Variants in GIT1 observed in about 807,000 individuals in gnomAD.
The protein encoded by GIT1 is GIT ArfGAP 1.
GIT1 carries 14 observed loss-of-function variants against 91.7 expected under a neutral mutation model. The ratio of observed to expected loss-of-function variants is 0.15; its 90% CI spans 0.10 to 0.24. The LOEUF (loss-of-function observed/expected upper bound fraction) is 0.24. Among genes scored for constraint, GIT1 ranks in the 10% least tolerant of loss-of-function variants. GIT1 has a pLI of 1.00. For synonymous variants in GIT1, 414 were observed against 418.2 expected (o/e 0.99, Z 0.12); for missense variants, 717 against 1,024.9 (o/e 0.70, Z 4.10).
Position 29,581,686 on chromosome 17 carries a change from C to T in GIT1, c.718+56G>A, listed in dbSNP as rs1195919615. The T allele has an allele frequency of 4.2e-6, 6 of 1,431,642 alleles. No individual in the cohort carries two copies. The African/African-American group carries it at 4.2e-5, about 10-fold the overall frequency. The allele number at this position is 1,431,642 out of a possible 1,614,324, so 88.7% of individuals were successfully genotyped here. On this transcript the variant is annotated intron_variant, in intron 6 of 19. Coordinates refer to ENST00000225394, the MANE Select transcript of GIT1 (RefSeq NM_014030.4). The surrounding 1 kb of genome is among the most constrained non-coding windows in gnomAD (Gnocchi z 4.8). Reference sequence around the variant, plus strand: ...TGCTGCCGGGTGCGTCCAGGTCCCACCTGCCCAGCCCCAGCCAGGCCTGTC... The same window carrying T: ...TGCTGCCGGGTGCGTCCAGGTCCCATCTGCCCAGCCCCAGCCAGGCCTGTC...
At chr17:29,577,331 G>A in intron 10 of GIT1, 84 bp from the exon 11 acceptor site, 2 of 1,039,314 alleles carry the variant, frequency 1.9e-6, no homozygotes, top group South Asian at 1.4e-5. Flanking sequence ...GCAAGGCATG[G>A]CTCTGCCATT....
rs141157150 is a variant in GIT1, at chr17:29,583,492, C to T, written c.177G>A (p.Thr59=). The T allele has an allele frequency of 6.0e-5, 97 of 1,612,062 alleles. No homozygotes were observed. The highest frequency in any genetic ancestry group is 1.4e-4 in the South Asian group (13 of 91,058). ...CGACTGAGCCCTGTACCTGCAGCAG[C>T]GTGGGAGGCCAGGCGCTGTGGCGAA... The part of the protein sequence containing the change: ...KHLRHSAWPP[T]LLQMVHTLAS... Residue 59 remains threonine (T), a synonymous_variant, in exon 2 of 20, where the codon ACG becomes ACA. Coordinates refer to ENST00000225394, the MANE Select transcript of GIT1 (RefSeq NM_014030.4).
Position 29,589,480 on chromosome 17 carries a change from C to T in GIT1, c.-102G>A, listed in dbSNP as rs2033733118. The T allele has an allele frequency of 5.5e-6, 2 of 360,670 alleles. No homozygotes were observed. The highest frequency in any genetic ancestry group is 7.6e-6 in the Non-Finnish European group (2 of 261,572). 22.3% of individuals were successfully genotyped at this position (360,670 alleles called of 1,614,324 possible). A position where few individuals can be genotyped will look rare whatever the true frequency, so the allele number is the denominator to read the frequency against. ...CCCCTGCTGCCCGGCCCGGCTCCGG[C>T]GAGGCCCCGGCGAGGCTCCGCGCGC... On this transcript the variant is annotated 5_prime_UTR_variant, in exon 1 of 20. Transcript: ENST00000225394. This position sits in a 1 kb window ranked among gnomAD's most constrained non-coding sequence, Gnocchi z 5.2.
In GIT1 at chr17:29,581,335, C is replaced by T. The variant is rs1326674235; in HGVS notation, c.761+3G>A. 6.2e-7 allele frequency: 1 copy of T among 1,610,506 alleles called. No individual in the cohort carries two copies. Among genetic ancestry groups the T allele is most frequent in the Admixed American group, 1.7e-5 (1 of 60,018 alleles). ...TGGAAAGGGGCATCAGGTGGGCACTCACCTGTCAGCCATCTGTGGGATGAT... is the reference window on the plus strand; with the variant it reads ...TGGAAAGGGGCATCAGGTGGGCACTTACCTGTCAGCCATCTGTGGGATGAT... On this transcript the variant is annotated splice_donor_region_variant and intron_variant, in intron 7 of 19. Transcript: ENST00000225394. The surrounding 1 kb of genome is among the most constrained non-coding windows in gnomAD (Gnocchi z 4.8).
In GIT1 at chr17:29,581,305, G is replaced by A. The variant is rs143703920; in HGVS notation, c.761+33C>T. On this transcript the variant is annotated intron_variant, in intron 7 of 19. Transcript: ENST00000225394. This position sits in a 1 kb window ranked among gnomAD's most constrained non-coding sequence, Gnocchi z 4.8. ...TCAGCCACCCACATGGCATCCAACA[G>A]CCTCTGGAAAGGGGCATCAGGTGGG... 3,628 of 1,572,468 alleles carry A rather than the reference G, an allele frequency of 2.3e-3. 5 individuals are homozygous for A. The highest frequency in any genetic ancestry group is 4.0e-3 in the Admixed American group (237 of 59,964).
At chr17:29,579,380 C>T (rs1445032702) in intron 7 of GIT1, 1 of 275,626 alleles carries the variant, frequency 3.6e-6, no homozygotes, top group African/African-American at 2.2e-5. Context: ...ATACACCTGG[C>T]TGCACTACCC....
intron 1 of GIT1, 97 bp from the exon 2 acceptor site, chr17:29,583,713 C>T (rs1168534470): frequency 3.0e-6 from 4 of 1,311,952 alleles, no homozygotes; most frequent in Non-Finnish European, 3.1e-6. Flanking sequence ...ACTCTCCACA[C>T]ATTCACTCAC....
chr17:29,574,512 GCCC>G lies in GIT1; in HGVS notation c.*187_*189del, dbSNP rs772363287. 7 of 644,870 alleles carry G rather than the reference GCCC, an allele frequency of 1.1e-5. No individual in the cohort carries two copies. The highest frequency in any genetic ancestry group is 2.5e-5 in the East Asian group (1 of 39,612). The allele number at this position is 644,870 out of a possible 1,614,324, so 39.9% of individuals were successfully genotyped here. ...TGGAATGTGGGGGACAGAAGCTCCT[GCCC>G]CCCCACCTCCCCATCCTTAGGGGCT... On this transcript the variant is annotated 3_prime_UTR_variant, in exon 20 of 20. Transcript: ENST00000225394.
rs550723423 is a variant in GIT1, at chr17:29,577,333, T to C, written c.982-86A>G. 14 of 1,030,754 alleles carry C rather than the reference T, an allele frequency of 1.4e-5. No individual in the cohort carries two copies. The East Asian group carries it at 3.1e-4, about 23-fold the overall frequency. 63.9% of individuals were successfully genotyped at this position (1,030,754 alleles called of 1,614,324 possible). ...CAGGGACCAAGTAGCAAGGCATGGC[T>C]CTGCCATTTAATTTAACCCCAGCTA... On this transcript the variant is annotated intron_variant, in intron 10 of 19. Transcript: ENST00000225394.
chr17:29,576,221 G>C lies in GIT1; in HGVS notation c.1610C>G (p.Thr537Ser), dbSNP rs753598369. 4 of 1,607,454 alleles carry C rather than the reference G, an allele frequency of 2.5e-6. No individual in the cohort carries two copies. The highest frequency in any genetic ancestry group is 1.6e-4 in the Middle Eastern group (1 of 6,068). Residue 537 changes from threonine (T) to serine (S), a missense_variant and splice_region_variant, in exon 14 of 20, where the codon ACT becomes AGT. Thr to Ser is a moderately conservative substitution (Grantham distance 58). Coordinates refer to ENST00000225394, the MANE Select transcript of GIT1 (RefSeq NM_014030.4). Reference sequence around the variant, plus strand: ...CCTTGAGACCCATAGGTGACTCACAGTGCTGTGGAAAGGCTGCAGCCGCGT... The same window carrying C: ...CCTTGAGACCCATAGGTGACTCACACTGCTGTGGAAAGGCTGCAGCCGCGT... Reference protein sequence around the residue: ...LTTRLQPFHSTELEDDAIYSV... With the variant: ...LTTRLQPFHSSELEDDAIYSV...
At chr17:29,586,867 C>G (rs1314016895) in intron 1 of GIT1, among the ~76,000 whole-genome samples, 1 of 152,200 alleles carries the variant, frequency 6.6e-6, no homozygotes, top group Non-Finnish European at 1.5e-5. Flanking sequence ...CAGGCAGGAA[C>G]ACATACGGTG....
chr17:29,577,172 G>A lies in GIT1; in HGVS notation c.1057C>T (p.Arg353Trp), dbSNP rs202085570. The A allele has an allele frequency of 7.7e-5, 124 of 1,613,882 alleles. No individual in the cohort carries two copies. The highest frequency in any genetic ancestry group is 9.7e-5 in the Non-Finnish European group (114 of 1,179,978). ...CTCAGGCTCTTGCCCTGCTGTCTCC[G>A]CTTGGCCTCACTGAGAATGTCGATG... ...LIIDILSEAK[R>W]RQQGKSLSSP... Residue 353 changes from arginine to tryptophan, a missense_variant, in exon 11 of 20, where the codon CGG becomes TGG. Arg to Trp is a moderately radical substitution (Grantham distance 101). This residue lies in a region of GIT1 where 312 missense variants were observed against 349.5 expected (regional missense o/e 0.89). Coordinates refer to ENST00000225394, the MANE Select transcript of GIT1 (RefSeq NM_014030.4).
intron 12 of GIT1, 61 bp downstream of exon 12, chr17:29,576,802 G>C: frequency 6.4e-7 from 1 of 1,574,212 alleles, no homozygotes; most frequent in South Asian, 1.1e-5. Context: ...GGACAGAGCT[G>C]GGCCTCAGCG....
In GIT1 at chr17:29,581,718, AGGC is replaced by A; in HGVS notation, c.718+21_718+23del. The stretch of plus-strand genomic sequence containing the variant: ...AGCCCCAGCCAGGCCTGTCACAGCC[AGGC>A]GCCCCCCAAGCTCTGCTCACCCGGC... On this transcript the variant is annotated intron_variant, in intron 6 of 19. Coordinates refer to ENST00000225394, the MANE Select transcript of GIT1 (RefSeq NM_014030.4). The surrounding 1 kb of genome is among the most constrained non-coding windows in gnomAD (Gnocchi z 4.8). 1 of 1,587,272 alleles carries A rather than the reference AGGC, an allele frequency of 6.3e-7. No homozygotes were observed. The highest frequency in any genetic ancestry group is 8.6e-7 in the Non-Finnish European group (1 of 1,162,874).
rs1175557868 is a variant in GIT1 at position 29,574,299 on chromosome 17, G to C, written c.*403C>G. ...TATGTACAAAGGAGGGGATGCCCCC[G>C]CTCAGCCCCCAGTAGGGCTGAACTG... On this transcript the variant is annotated 3_prime_UTR_variant, in exon 20 of 20. Transcript: ENST00000225394. 8.4e-6 allele frequency: 2 copies of C among 238,576 alleles called. No individual in the cohort carries two copies. The highest frequency in any genetic ancestry group is 1.7e-5 in the Non-Finnish European group (2 of 119,726). The allele number at this position is 238,576 out of a possible 1,614,324, so 14.8% of individuals were successfully genotyped here. A position where few individuals can be genotyped will look rare whatever the true frequency, so the allele number is the denominator to read the frequency against.
chr17:29,580,752 C>T (rs1200045854), intron 7 of GIT1, among the ~76,000 whole-genome samples: 5 of 151,706 alleles, frequency 3.3e-5, no homozygotes, highest in Non-Finnish European at 5.9e-5. Flanking sequence ...CCCTCCCAGC[C>T]GGAGGTAGCT....
chr17:29,575,761 A>G lies in GIT1; in HGVS notation c.1752+51T>C. 2 of 1,598,500 alleles carry G rather than the reference A, an allele frequency of 1.3e-6. No homozygotes were observed. The highest frequency in any genetic ancestry group is 1.7e-6 in the Non-Finnish European group (2 of 1,173,146). On this transcript the variant is annotated intron_variant, in intron 16 of 19. Transcript: ENST00000225394. This position sits in a 1 kb window ranked among gnomAD's most constrained non-coding sequence, Gnocchi z 5.5. Reference sequence around the variant, plus strand: ...GTGTTCCTGGACCCACACTGCCCCTAGCCCACACGGCCCCCAGCCACCCTG... The same window carrying G: ...GTGTTCCTGGACCCACACTGCCCCTGGCCCACACGGCCCCCAGCCACCCTG...
intron 1 of GIT1, among the ~76,000 whole-genome samples, chr17:29,586,019 G>A (rs1469346798): frequency 6.6e-6 from 1 of 152,178 alleles, no homozygotes; most frequent in African/African-American, 2.4e-5. Context: ...ATACAGGCTA[G>A]CCTCAGGCCT....
At position 29,582,715 on chromosome 17, in the gene GIT1, C is replaced by T. The variant is rs769335009; in HGVS notation, c.388G>A (p.Ala130Thr). Residue 130 changes from alanine to threonine, a missense_variant, in exon 4 of 20, where the codon GCC becomes ACC. Coordinates refer to ENST00000225394, the MANE Select transcript of GIT1 (RefSeq NM_014030.4). The part of the protein sequence containing the change: ...LPCRDDDGVT[A>T]KDLSKQLHSS... ...CCTCAAACCTTGCTGAGGTCTTTGG[C>T]GGTGACTCCATCATCGTCCCGGCAG... is the stretch of plus-strand genomic sequence containing the variant. The T allele has an allele frequency of 1.4e-5, 22 of 1,612,396 alleles. No homozygotes were observed. Among genetic ancestry groups the T allele is most frequent in the Middle Eastern group, 1.6e-4 (1 of 6,082 alleles).
Sources: allele counts gnomAD v4.1 joint callset (sites outside exome capture counted in the v4.1 genomes callset), GRCh38; gene constraint gnomAD v4.1.1; regional missense constraint gnomAD v4.1.1; non-coding constraint Gnocchi (gnomAD v3.1); transcripts MANE v1.5; gene names NCBI Gene and HGNC (gene_info 2026-07-23, HGNC 2026-07-21).